Variants in ARHGAP24 observed in about 807,000 individuals in gnomAD.
ARHGAP24 encodes the protein rho GTPase-activating protein 24.
In ARHGAP24, 50 loss-of-function variants were observed where a neutral mutation model predicts 76.4. The observed-to-expected ratio is 0.65, with a 90% CI of 0.52 to 0.83. The LOEUF is 0.83. Among genes scored for constraint, ARHGAP24 ranks in the 40% least tolerant of loss-of-function variants. The pLI is 0.00. For missense variants in ARHGAP24, 930 were observed against 914.2 expected, an observed-to-expected ratio of 1.02 and a Z score of -0.22; for synonymous variants, 345 against 323.3, an observed-to-expected ratio of 1.07 and a Z score of -0.72.
At chr4:85,903,153 T>C (rs549041645) in intron 3 of ARHGAP24, among the ~76,000 whole-genome samples, 11 of 152,348 alleles carry the variant, frequency 7.2e-5, no homozygotes, top group African/African-American at 2.2e-4. Flanking sequence ...TTTTCTTAAA[T>C]GAGAAATTTT....
chr4:85,791,813 G>A (rs552611330), intron 3 of ARHGAP24, among the ~76,000 whole-genome samples: 9 of 152,208 alleles, frequency 5.9e-5, no homozygotes, highest in East Asian at 3.9e-4. Flanking sequence ...GTACAAATGC[G>A]GACATGGAGG....
At chr4:85,706,011 G>T (rs1414534376) in intron 2 of ARHGAP24, among the ~76,000 whole-genome samples, 1 of 152,156 alleles carries the variant, frequency 6.6e-6, no homozygotes, top group African/African-American at 2.4e-5. Flanking sequence ...TCAGCCAATG[G>T]TTGCAGGGGA....
chr4:85,718,014 G>T (rs1724794031), intron 2 of ARHGAP24, among the ~76,000 whole-genome samples: 1 of 152,070 alleles, frequency 6.6e-6, no homozygotes, highest in Non-Finnish European at 1.5e-5. Context: ...TTAATTTAGA[G>T]CAGCTGTGGA....
At chr4:85,565,898 G>T (rs1291911912) in intron 1 of ARHGAP24, among the ~76,000 whole-genome samples, 1 of 152,164 alleles carries the variant, frequency 6.6e-6, no homozygotes, top group African/African-American at 2.4e-5. Flanking sequence ...TCAGGAGCAT[G>T]AATTTCGTCT....
chr4:85,641,460 C>T (rs1364235608), intron 2 of ARHGAP24, among the ~76,000 whole-genome samples: 1 of 152,106 alleles, frequency 6.6e-6, no homozygotes, highest in Non-Finnish European at 1.5e-5. Context: ...GGGTTGATTC[C>T]TTCTGAGAGC....
intron 5 of ARHGAP24, among the ~76,000 whole-genome samples, chr4:85,957,598 T>G (rs1338227527): frequency 1.3e-5 from 2 of 152,210 alleles, no homozygotes; most frequent in African/African-American, 2.4e-5. Flanking sequence ...CTGTGGCACC[T>G]TAAATTACTT....
chr4:85,833,424 C>T (rs1730097164), intron 3 of ARHGAP24, among the ~76,000 whole-genome samples: 1 of 151,768 alleles, frequency 6.6e-6, no homozygotes, highest in African/African-American at 2.4e-5. Flanking sequence ...ATTTCTTTAT[C>T]CTGGGATTCC....
chr4:85,660,799 A>AAAAAAAG (rs1229824841), intron 2 of ARHGAP24, among the ~76,000 whole-genome samples: 2 of 138,198 alleles, frequency 1.4e-5, no homozygotes, highest in African/African-American at 6.7e-5. Context: ...CGTCTCAAAA[A>AAAAAAAG]AAAAAAAAAA....
Position 85,994,668 on chromosome 4 carries a change from G to A in ARHGAP24, c.1014G>A (p.Lys338=). Residue 338 remains lysine (K), a synonymous_variant, in exon 9 of 10, where the codon AAG becomes AAA. Coordinates refer to ENST00000395184, the MANE Select transcript of ARHGAP24 (RefSeq NM_001025616.3). ...CCAAAGATGCAGAACTACAAAGCAA[G>A]CCCCAAGATGGAGTGAGCAACAACA... The part of the protein sequence containing the change: ...LFPKDAELQS[K]PQDGVSNNNE... 6.2e-7 allele frequency: 1 copy of A among 1,614,134 alleles called. No individual in the cohort carries two copies. The highest frequency in any genetic ancestry group is 1.1e-5 in the South Asian group (1 of 91,078).
chr4:85,943,263 G>A (rs1737054630), intron 5 of ARHGAP24, among the ~76,000 whole-genome samples: 1 of 152,102 alleles, frequency 6.6e-6, no homozygotes. Flanking sequence ...AGTCCATTCA[G>A]GCTGTCATAA....
chr4:85,591,031 GTTTTTTTTTT>G (rs35373441), intron 2 of ARHGAP24, among the ~76,000 whole-genome samples: 2 of 62,654 alleles, frequency 3.2e-5, no homozygotes, highest in South Asian at 1.5e-3. Flanking sequence ...AATCTGCTGG[GTTTTTTTTTT>G]TTTTTTTTTT....
At chr4:85,703,781 C>T (rs2110028592) in intron 2 of ARHGAP24, among the ~76,000 whole-genome samples, 1 of 152,240 alleles carries the variant, frequency 6.6e-6, no homozygotes, top group South Asian at 2.1e-4. Flanking sequence ...CTAAGGCACT[C>T]TCCAACACCC....
At chr4:85,509,851 T>G (rs925602393) in intron 1 of ARHGAP24, among the ~76,000 whole-genome samples, 1 of 152,114 alleles carries the variant, frequency 6.6e-6, no homozygotes, top group African/African-American at 2.4e-5. Flanking sequence ...ATGGAATATA[T>G]TACATTTAAA....
At chr4:85,735,925 C>T (rs1023811074) in intron 3 of ARHGAP24, among the ~76,000 whole-genome samples, 2 of 152,290 alleles carry the variant, frequency 1.3e-5, no homozygotes, top group East Asian at 3.9e-4. Flanking sequence ...TCACCGTCTA[C>T]AGGACTATAG....
At chr4:85,966,838 T>A (rs1246542991) in intron 5 of ARHGAP24, among the ~76,000 whole-genome samples, 1 of 152,166 alleles carries the variant, frequency 6.6e-6, no homozygotes, top group Non-Finnish European at 1.5e-5. Flanking sequence ...GTTCACAATA[T>A]CTTTAATAAC....
intron 3 of ARHGAP24, among the ~76,000 whole-genome samples, chr4:85,870,715 G>A (rs1382899291): frequency 6.6e-6 from 1 of 152,006 alleles, no homozygotes; most frequent in African/African-American, 2.4e-5. Context: ...ACCCACTACT[G>A]CTGTATAATA....
chr4:85,493,484 G>C (rs1560507651), intron 1 of ARHGAP24, among the ~76,000 whole-genome samples: 1 of 152,120 alleles, frequency 6.6e-6, no homozygotes, highest in Non-Finnish European at 1.5e-5. Flanking sequence ...ATGGACTCGT[G>C]GGTATCTGTT....
intron 8 of ARHGAP24, among the ~76,000 whole-genome samples, chr4:85,993,336 C>T (rs6531887): frequency 0.26 from 38,911 of 151,992 alleles, 5,157 homozygotes; most frequent in South Asian, 0.4. Flanking sequence ...TTCCTTTTAA[C>T]AGGATCTCCA....
At chr4:85,952,958 T>C (rs1737705913) in intron 5 of ARHGAP24, among the ~76,000 whole-genome samples, 2 of 152,230 alleles carry the variant, frequency 1.3e-5, no homozygotes, top group African/African-American at 4.8e-5. Context: ...AAATGAAATC[T>C]AGAATGTGTA....
Sources: allele counts gnomAD v4.1 joint callset (sites outside exome capture counted in the v4.1 genomes callset), GRCh38; gene constraint gnomAD v4.1.1; transcripts MANE v1.5; gene names NCBI Gene and HGNC (gene_info 2026-07-23, HGNC 2026-07-21).